The following GRM8 variants were observed in gnomAD, a reference collection of about 807,000 sequenced individuals.
GRM8 encodes the protein metabotropic glutamate receptor 8.
A neutral mutation model predicts 87.2 loss-of-function variants in GRM8; 47 were observed. The ratio of observed to expected loss-of-function variants is 0.54; its 90% confidence interval spans 0.43 to 0.69. The LOEUF (loss-of-function observed/expected upper bound fraction) is 0.69. Ranked by LOEUF, GRM8 falls within the 30% of genes least tolerant of loss-of-function variation. GRM8 has a pLI of 0.00. For synonymous variants in GRM8, 396 were observed against 404.5 expected, an observed-to-expected ratio of 0.98 and a Z score of 0.25; for missense variants, 1,019 against 1,139.2, an observed-to-expected ratio of 0.89 and a Z score of 1.52.
At chr7:127,240,952 A>G (rs1798258289) in intron 2 of GRM8, among the ~76,000 whole-genome samples, 1 of 152,162 alleles carries the variant, frequency 6.6e-6, no homozygotes, top group Admixed American at 6.5e-5. Flanking sequence ...CCAGAAATGG[A>G]GAACTAGAGC....
intron 7 of GRM8, among the ~76,000 whole-genome samples, chr7:126,620,284 G>A (rs972422622): frequency 6.6e-6 from 1 of 152,160 alleles, no homozygotes; most frequent in African/African-American, 2.4e-5. Context: ...GCAAGATGCT[G>A]TCTTAAAACA....
intron 4 of GRM8, 148 bp from the exon 5 acceptor site, chr7:126,904,274 T>C: frequency 1.4e-6 from 1 of 704,060 alleles, no homozygotes; most frequent in South Asian, 1.9e-5. Flanking sequence ...CCGAGTCTTA[T>C]CATCTCCTAA....
At chr7:127,124,969 A>C (rs1164168749) in intron 2 of GRM8, among the ~76,000 whole-genome samples, 1 of 152,154 alleles carries the variant, frequency 6.6e-6, no homozygotes, top group Non-Finnish European at 1.5e-5. Context: ...AAATAAGTAA[A>C]GTCTCAGCTT....
intron 2 of GRM8, among the ~76,000 whole-genome samples, chr7:127,201,317 A>T (rs1184889350): frequency 6.6e-6 from 1 of 152,246 alleles, no homozygotes; most frequent in Non-Finnish European, 1.5e-5. Flanking sequence ...AGTAGAGTAT[A>T]GCATAAAATA....
chr7:126,881,336 AGAG>A (rs1280645323), intron 6 of GRM8, among the ~76,000 whole-genome samples: 2 of 152,216 alleles, frequency 1.3e-5, no homozygotes, highest in African/African-American at 4.8e-5. Flanking sequence ...GAAGAGGTAC[AGAG>A]GAGAACAGGG....
chr7:126,523,498 A>T (rs6949684), intron 9 of GRM8, among the ~76,000 whole-genome samples: 4,838 of 141,924 alleles, frequency 0.034, 173 homozygotes, highest in African/African-American at 0.098. Flanking sequence ...AGACCTCTCA[A>T]TTTTTTTTTT....
chr7:127,171,578 A>G (rs556542846), intron 2 of GRM8, among the ~76,000 whole-genome samples: 30 of 152,234 alleles, frequency 2.0e-4, no homozygotes, highest in Non-Finnish European at 4.1e-4. Context: ...GTCAAGACTC[A>G]CTGAAGCCTT....
intron 9 of GRM8, among the ~76,000 whole-genome samples, chr7:126,460,242 C>T (rs1803742794): frequency 6.6e-6 from 1 of 151,488 alleles, no homozygotes; most frequent in Non-Finnish European, 1.5e-5. Context: ...AAAACTTTAT[C>T]CATACATATG....
intron 3 of GRM8, among the ~76,000 whole-genome samples, chr7:126,968,568 C>A (rs962926780): frequency 1.1e-4 from 16 of 152,092 alleles, no homozygotes; most frequent in African/African-American, 3.9e-4. Flanking sequence ...GTCAGAACCA[C>A]GGAATTAAAC....
At chr7:126,579,375 T>TA (rs1195859024) in intron 8 of GRM8, among the ~76,000 whole-genome samples, 5 of 152,192 alleles carry the variant, frequency 3.3e-5, no homozygotes, top group East Asian at 1.9e-4. Context: ...TATTTTCACA[T>TA]AAAAAAATTC....
intron 7 of GRM8, among the ~76,000 whole-genome samples, chr7:126,718,082 A>G (rs1811954312): frequency 6.6e-6 from 1 of 151,794 alleles, no homozygotes; most frequent in Non-Finnish European, 1.5e-5. Flanking sequence ...AAAAAAATAC[A>G]AAAAATTAGC....
At chr7:127,215,311 A>T (rs1166483974) in intron 2 of GRM8, 1 of 151,976 alleles carries the variant, frequency 6.6e-6, no homozygotes, top group Non-Finnish European at 1.5e-5. Context: ...ACATTTCCCC[A>T]CCCCCAGCCA....
intron 9 of GRM8, among the ~76,000 whole-genome samples, chr7:126,530,928 C>T (rs960719820): frequency 9.2e-5 from 14 of 152,282 alleles, no homozygotes; most frequent in Admixed American, 5.9e-4. Flanking sequence ...GCTGTCTCAG[C>T]CTCCTGAACA....
At chr7:126,903,695 GTATATATATA>G (rs1302032360) in intron 5 of GRM8, among the ~76,000 whole-genome samples, 8 of 133,200 alleles carry the variant, frequency 6.0e-5, no homozygotes, top group African/African-American at 2.2e-4. Context: ...ATGTATATGT[GTATATATATA>G]TGTATATGTG....
intron 2 of GRM8, among the ~76,000 whole-genome samples, chr7:127,163,856 C>G (rs764440855): frequency 6.6e-6 from 1 of 152,046 alleles, no homozygotes; most frequent in African/African-American, 2.4e-5. Flanking sequence ...TTTAAGCACC[C>G]CTTTGGGAGA....
chr7:127,059,371 C>G (rs930466315), intron 3 of GRM8, among the ~76,000 whole-genome samples: 1 of 136,560 alleles, frequency 7.3e-6, no homozygotes, highest in African/African-American at 2.7e-5. Flanking sequence ...GAGTCTTGCT[C>G]TGTCACCCAG....
At chr7:126,828,972 TAAGGAGC>T (rs1273750708) in intron 6 of GRM8, among the ~76,000 whole-genome samples, 5 of 152,212 alleles carry the variant, frequency 3.3e-5, no homozygotes, top group Non-Finnish European at 4.4e-5. Context: ...CAGTAGTCAT[TAAGGAGC>T]AGGTTGTTCA....
chr7:126,697,430 G>C (rs1418536867), intron 7 of GRM8, among the ~76,000 whole-genome samples: 1 of 152,066 alleles, frequency 6.6e-6, no homozygotes, highest in African/African-American at 2.4e-5. Flanking sequence ...AGGTAATTAC[G>C]TGACATGATG....
intron 9 of GRM8, among the ~76,000 whole-genome samples, chr7:126,482,374 A>G (rs1487652640): frequency 4.6e-5 from 7 of 152,046 alleles, no homozygotes; most frequent in Non-Finnish European, 1.0e-4. Context: ...AGCATTATTC[A>G]TAAGAGATAA....
Sources: allele counts gnomAD v4.1 joint callset (sites outside exome capture counted in the v4.1 genomes callset), GRCh38; gene constraint gnomAD v4.1.1; transcripts MANE v1.5; gene names NCBI Gene and HGNC (gene_info 2026-07-23, HGNC 2026-07-21).